GALNT14: variants seen among roughly 807,000 people sequenced by gnomAD.
The protein encoded by GALNT14 is UDP-GalNAc:polypeptide N-acetylgalactosaminyltransferase 14.
In GALNT14, 60 loss-of-function variants were observed where a neutral mutation model predicts 77.5. That is an observed-to-expected ratio of 0.77 (90% CI 0.63 to 0.96). GALNT14 has a LOEUF of 0.96. GALNT14 is among the 40% of genes least tolerant of loss of function. GALNT14 has a pLI of 0.00. For synonymous variants in GALNT14, 280 were observed against 281.7 expected (o/e 0.99, Z 0.06); for missense variants, 710 against 731.0 (o/e 0.97, Z 0.33).
chr2:31,071,790 C>A (rs573819833), intron 1 of GALNT14, among the ~76,000 whole-genome samples: 1 of 152,306 alleles, frequency 6.6e-6, no homozygotes, highest in African/African-American at 2.4e-5. Flanking sequence ...TGGGGCAGGA[C>A]GGACTGCAGA....
At chr2:31,006,886 C>A (rs1250479914) in intron 1 of GALNT14, among the ~76,000 whole-genome samples, 1 of 152,178 alleles carries the variant, frequency 6.6e-6, no homozygotes, top group Non-Finnish European at 1.5e-5. Flanking sequence ...TCTACGCCTG[C>A]TAGGGGGAGG....
At chr2:30,991,391 A>G (rs920632840) in intron 2 of GALNT14, 4 of 151,964 alleles carry the variant, frequency 2.6e-5, no homozygotes, top group African/African-American at 9.7e-5. Flanking sequence ...GAAATACAAT[A>G]ACCTAATATT....
intron 1 of GALNT14, among the ~76,000 whole-genome samples, chr2:30,995,205 T>C (rs756292684): frequency 2.6e-5 from 4 of 151,706 alleles, no homozygotes; most frequent in Non-Finnish European, 4.4e-5. Flanking sequence ...CAGCCACATA[T>C]GCATAACAAC....
At chr2:30,932,017 C>T in intron 10 of GALNT14, 51 bp downstream of exon 10, 1 of 1,449,430 alleles carries the variant, frequency 6.9e-7, no homozygotes. Flanking sequence ...AGCCGCCCAG[C>T]CTTGGCTGCC....
At chr2:31,104,768 G>A (rs558474262) in intron 1 of GALNT14, among the ~76,000 whole-genome samples, 11 of 152,272 alleles carry the variant, frequency 7.2e-5, no homozygotes, top group African/African-American at 2.4e-4. Flanking sequence ...CAACAGAAAT[G>A]ATGCTGTGTT....
intron 13 of GALNT14, among the ~76,000 whole-genome samples, chr2:30,915,537 CATTTTCGG>C (rs1473076336): frequency 1.3e-5 from 2 of 152,176 alleles, no homozygotes; most frequent in African/African-American, 4.8e-5. Flanking sequence ...GCAAGGAGAG[CATTTTCGG>C]ATTTCCATTC....
Position 31,014,983 on chromosome 2 carries a change from G to A in GALNT14, c.130-21976C>T, listed in dbSNP as rs559308798. Among the ~76,000 whole-genome samples, 9 of 152,198 alleles carry A rather than the reference G, an allele frequency of 5.9e-5. No individual in the cohort carries two copies. In the South Asian group the frequency reaches 1.5e-3, roughly 25 times the overall value. The stretch of plus-strand genomic sequence containing the variant: ...GTGGCCTCTGAAGAATCAACCACTC[G>A]CTAGCTTTAAAGAGGCAGGAGCTTG... On this transcript the variant is annotated intron_variant, in intron 1 of 14. Transcript: ENST00000349752.
At chr2:30,903,454 T>G in the GALNT14 span, among the ~76,000 whole-genome samples, 9 of 152,356 alleles carry the variant, frequency 5.9e-5, 1 homozygote, top group East Asian at 1.7e-3. Flanking sequence ...ACTTCCGTCT[T>G]GGTGGCACGC....
chr2:31,118,021 T>G (rs1678200135), intron 1 of GALNT14, among the ~76,000 whole-genome samples: 1 of 152,180 alleles, frequency 6.6e-6, no homozygotes, highest in Non-Finnish European at 1.5e-5. Flanking sequence ...TGGACCCAAG[T>G]TAGTTACATG....
At chr2:30,928,595 T>C (rs1193898866) in intron 11 of GALNT14, among the ~76,000 whole-genome samples, 1 of 152,112 alleles carries the variant, frequency 6.6e-6, no homozygotes, top group African/African-American at 2.4e-5. Flanking sequence ...ATCTAGCTTT[T>C]ATTTATTTAT....
intron 1 of GALNT14, among the ~76,000 whole-genome samples, chr2:31,020,774 A>T (rs1043703400): frequency 1.3e-5 from 2 of 152,012 alleles, no homozygotes; most frequent in Non-Finnish European, 2.9e-5. Flanking sequence ...GTGCATTTCC[A>T]CCTGCTCATG....
chr2:31,075,037 T>C (rs1675672102), intron 1 of GALNT14, among the ~76,000 whole-genome samples: 1 of 152,202 alleles, frequency 6.6e-6, no homozygotes, highest in African/African-American at 2.4e-5. Context: ...GTTCAGGTCC[T>C]GGGAGCGGAT....
chr2:30,955,191 G>A (rs1323940663), intron 6 of GALNT14, among the ~76,000 whole-genome samples: 1 of 152,116 alleles, frequency 6.6e-6, no homozygotes, highest in Non-Finnish European at 1.5e-5. Context: ...GGTGAGGGTA[G>A]AAGTAAGACA....
intron 1 of GALNT14, among the ~76,000 whole-genome samples, chr2:31,032,196 A>T (rs1672457791): frequency 6.6e-6 from 1 of 152,226 alleles, no homozygotes; most frequent in South Asian, 2.1e-4. Flanking sequence ...CCTAACCTAC[A>T]AAACACTGAT....
At chr2:31,109,398 T>C (rs1319770453) in intron 1 of GALNT14, among the ~76,000 whole-genome samples, 1 of 152,218 alleles carries the variant, frequency 6.6e-6, no homozygotes, top group East Asian at 1.9e-4. Context: ...CCTCATCCCT[T>C]GTTCTCAGAT....
At chr2:31,047,453 G>A (rs1673535411) in intron 1 of GALNT14, among the ~76,000 whole-genome samples, 1 of 152,128 alleles carries the variant, frequency 6.6e-6, no homozygotes, top group Admixed American at 6.5e-5. Flanking sequence ...GCATCCCAGG[G>A]CCACAGATTC....
intron 1 of GALNT14, among the ~76,000 whole-genome samples, chr2:31,014,607 G>A (rs1045596828): frequency 1.2e-4 from 18 of 152,158 alleles, no homozygotes; most frequent in Admixed American, 7.2e-4. Flanking sequence ...CCTGAGGAAC[G>A]CAGCATGCTG....
chr2:30,989,337 T>A (rs564331909), intron 2 of GALNT14, among the ~76,000 whole-genome samples: 58 of 151,892 alleles, frequency 3.8e-4, no homozygotes, highest in African/African-American at 1.4e-3. Context: ...CCCCTCACCA[T>A]CCCTGACAAC....
chr2:31,056,730 A>G (rs942315179), intron 1 of GALNT14, among the ~76,000 whole-genome samples: 4 of 152,232 alleles, frequency 2.6e-5, no homozygotes, highest in Admixed American at 2.6e-4. Flanking sequence ...TAAACTCGTG[A>G]TATAGTGATA....
Sources: allele counts gnomAD v4.1 joint callset (sites outside exome capture counted in the v4.1 genomes callset), GRCh38; gene constraint gnomAD v4.1.1; transcripts MANE v1.5; gene names NCBI Gene and HGNC (gene_info 2026-07-23, HGNC 2026-07-21).